The following DMD variants were observed in gnomAD, a reference collection of about 807,000 sequenced individuals.
The protein encoded by DMD is mutant dystrophin.
DMD carries 63 observed loss-of-function variants against 330.1 expected under a neutral mutation model. The ratio of observed to expected loss-of-function variants is 0.19; its 90% CI spans 0.16 to 0.24. DMD has a LOEUF of 0.24. Ranked by LOEUF, DMD falls within the 10% of genes least tolerant of loss-of-function variation. DMD has a pLI of 1.00. For missense variants in DMD, 3,344 were observed against 2,684.1 expected (o/e 1.25, Z -5.43); for synonymous variants, 1,223 against 959.8 (o/e 1.27, Z -5.07).
At chrX:31,959,778 T>TG (rs1368371064) in intron 45 of DMD, among the ~76,000 whole-genome samples, 2 of 103,199 alleles carry the variant, frequency 1.9e-5, no homozygotes, top group African/African-American at 7.2e-5. Context: ...GGTTTTTTTT[T>TG]TTTTTTTTTT....
intron 2 of DMD, among the ~76,000 whole-genome samples, chrX:32,883,846 A>AAAAAAGAAAAGAAAAAG (rs2084252921): frequency 1.3e-4 from 13 of 101,964 alleles, no homozygotes; most frequent in African/African-American, 4.1e-4. Context: ...AAAAAAAAAA[A>AAAAAAGAAAAGAAAAAG]AAAAAGAAAA....
chrX:31,771,303 G>A (rs1833297345), intron 51 of DMD, among the ~76,000 whole-genome samples: 1 of 110,154 alleles, frequency 9.1e-6, no homozygotes, highest in Non-Finnish European at 1.9e-5. Flanking sequence ...ATAAGAGGAA[G>A]AGGCAGGCAA....
At chrX:32,969,436 T>C (rs1481225841) in intron 2 of DMD, among the ~76,000 whole-genome samples, 3 of 92,652 alleles carry the variant, frequency 3.2e-5, no homozygotes, top group Non-Finnish European at 6.1e-5. Context: ...AGATAAAATA[T>C]GCTACCACAT....
intron 63 of DMD, among the ~76,000 whole-genome samples, chrX:31,225,741 A>C (rs2046516518): frequency 8.9e-6 from 1 of 111,786 alleles, no homozygotes; most frequent in Admixed American, 9.5e-5. Context: ...ATTTCTAGCA[A>C]GTTTCCAGGT....
intron 21 of DMD, among the ~76,000 whole-genome samples, chrX:32,478,861 C>G (rs1277308672): frequency 9.0e-6 from 1 of 111,142 alleles, no homozygotes; most frequent in Non-Finnish European, 1.9e-5. Flanking sequence ...GGAATTTTAT[C>G]TAAGATCACC....
chrX:33,268,523 G>A (rs2053088882), intron 1 of DMD, among the ~76,000 whole-genome samples: 1 of 111,618 alleles, frequency 9.0e-6, no homozygotes, highest in African/African-American at 3.3e-5. Context: ...AGACATGCAA[G>A]CGACCAACAA....
At position 32,402,744 on chromosome X, in the gene DMD, T is replaced by C. The variant is rs61587525; in HGVS notation, c.4233+9008A>G. On this transcript the variant is annotated intron_variant, in intron 30 of 78. Coordinates refer to ENST00000357033, the MANE Select transcript of DMD (RefSeq NM_004006.3). The stretch of plus-strand genomic sequence containing the variant: ...TATTCAAAGTATTTTGGAAAGGTTT[T>C]CAGAGCTTCAAAGTTGGGCAATCAT... Among the ~76,000 whole-genome samples, 301 of 111,823 alleles carry C rather than the reference T, an allele frequency of 2.7e-3. 2 individuals are homozygous for C. The highest frequency in any genetic ancestry group is 5.6e-3 in the East Asian group (20 of 3,573).
At chrX:32,434,760 C>A (rs1030936606) in intron 29 of DMD, among the ~76,000 whole-genome samples, 2 of 111,650 alleles carry the variant, frequency 1.8e-5, no homozygotes, top group Non-Finnish European at 3.8e-5. Flanking sequence ...CTGAGCAAAG[C>A]CTGAGAAATA....
At chrX:32,089,426 T>TCTCCCTCCACTTGTGTTC (rs1316484422) in intron 44 of DMD, among the ~76,000 whole-genome samples, 74 of 111,586 alleles carry the variant, frequency 6.6e-4, no homozygotes, top group African/African-American at 2.2e-3. Context: ...TTCCTGATCT[T>TCTCCCTCCACTTGTGTTC]CTCCCTCCAC....
At chrX:32,338,914 T>A (rs2097728106) in intron 41 of DMD, among the ~76,000 whole-genome samples, 1 of 112,131 alleles carries the variant, frequency 8.9e-6, no homozygotes. Context: ...ATTATAGAAT[T>A]AAATTTGAAA....
chrX:32,277,860 G>A (rs2097396674), intron 43 of DMD, among the ~76,000 whole-genome samples: 1 of 110,188 alleles, frequency 9.1e-6, no homozygotes, highest in South Asian at 3.8e-4. Context: ...TATCAAAAAA[G>A]AAAAAAACTT....
intron 67 of DMD, among the ~76,000 whole-genome samples, chrX:31,190,043 T>C (rs921747737): frequency 2.7e-5 from 3 of 112,282 alleles, no homozygotes; most frequent in Non-Finnish European, 5.6e-5. Context: ...CTTGGGGCCC[T>C]TGAAAGGAAC....
chrX:32,377,799 T>C lies in DMD; in HGVS notation c.4845+2711A>G, dbSNP rs754613585. 6.3e-5 allele frequency among the ~76,000 whole-genome samples: 7 copies of C among 111,527 alleles called. No individual in the cohort carries two copies. The East Asian group carries it at 1.7e-3, about 27-fold the overall frequency. ...CATGCCTGTATAAAAATGTCTCCTA[T>C]AATTCATAAATATATACACCCAGTA... On this transcript the variant is annotated intron_variant, in intron 34 of 78. Coordinates refer to ENST00000357033, the MANE Select transcript of DMD (RefSeq NM_004006.3).
intron 2 of DMD, among the ~76,000 whole-genome samples, chrX:32,872,182 C>T (rs967980493): frequency 1.8e-5 from 2 of 111,058 alleles, no homozygotes; most frequent in African/African-American, 6.6e-5. Flanking sequence ...GACTTAAGTC[C>T]CTTTAAATTT....
intron 7 of DMD, among the ~76,000 whole-genome samples, chrX:32,705,923 A>G (rs1445789503): frequency 9.1e-6 from 1 of 110,226 alleles, no homozygotes; most frequent in East Asian, 2.9e-4. Context: ...AGACACATGC[A>G]CACGTATGTT....
chrX:32,880,349 G>C (rs750358663), intron 2 of DMD, among the ~76,000 whole-genome samples: 5 of 107,996 alleles, frequency 4.6e-5, no homozygotes, highest in Non-Finnish European at 9.5e-5. Context: ...GCCTATAAAA[G>C]ATGTTTAATC....
intron 52 of DMD, among the ~76,000 whole-genome samples, chrX:31,710,973 C>A (rs1346952597): frequency 9.1e-6 from 1 of 110,191 alleles, no homozygotes; most frequent in East Asian, 2.8e-4. Context: ...GCACTTTTTC[C>A]TTGATTTTAC....
chrX:33,135,625 T>C (rs151138773), intron 1 of DMD, among the ~76,000 whole-genome samples: 283 of 111,971 alleles, frequency 2.5e-3, no homozygotes, highest in African/African-American at 8.7e-3. Flanking sequence ...TACTAAAATG[T>C]ATTATTCTTA....
intron 44 of DMD, among the ~76,000 whole-genome samples, chrX:32,107,944 G>T (rs1355368050): frequency 9.0e-6 from 1 of 110,914 alleles, no homozygotes; most frequent in Non-Finnish European, 1.9e-5. Flanking sequence ...CATATTGACT[G>T]GGTTTGATGC....
Sources: allele counts gnomAD v4.1 joint callset (sites outside exome capture counted in the v4.1 genomes callset), GRCh38; gene constraint gnomAD v4.1.1; transcripts MANE v1.5; gene names NCBI Gene and HGNC (gene_info 2026-07-23, HGNC 2026-07-21).